The following IL1RAP variants were observed in gnomAD, a reference collection of about 807,000 sequenced individuals.
IL1RAP encodes the protein interleukin-1 receptor accessory protein.
A neutral mutation model predicts 60.7 loss-of-function variants in IL1RAP; 35 were observed. The observed-to-expected ratio is 0.58, with a 90% CI of 0.44 to 0.76. The LOEUF (loss-of-function observed/expected upper bound fraction) is 0.76, where lower values mean the gene tolerates loss of function less well. Among genes scored for constraint, IL1RAP ranks in the 30% least tolerant of loss-of-function variants. The pLI, the probability that IL1RAP is intolerant of heterozygous loss-of-function variation, is 0.00. For synonymous variants in IL1RAP, 268 were observed against 250.9 expected (o/e 1.07, Z -0.64); for missense variants, 572 against 693.9 (o/e 0.82, Z 1.97).
chr3:190,655,889 A>G (rs1286984640), downstream of IL1RAP: 2 of 1,533,976 alleles, frequency 1.3e-6, no homozygotes, highest in South Asian at 1.2e-5. Flanking sequence ...TTTCCTATAG[A>G]TACAGTGGAA....
intron 1 of IL1RAP, among the ~76,000 whole-genome samples, chr3:190,523,015 G>C (rs1052072060): frequency 1.3e-5 from 2 of 152,082 alleles, no homozygotes; most frequent in Non-Finnish European, 2.9e-5. Context: ...TAAGTAATTT[G>C]ATACATATGA....
intron 4 of IL1RAP, among the ~76,000 whole-genome samples, chr3:190,607,610 G>A (rs1387524148): frequency 6.6e-6 from 1 of 152,128 alleles, no homozygotes; most frequent in Non-Finnish European, 1.5e-5. Context: ...TAACAGAGAA[G>A]GCCTGCATGT....
intron 1 of IL1RAP, among the ~76,000 whole-genome samples, chr3:190,549,795 T>C (rs1241355074): frequency 1.3e-5 from 2 of 152,126 alleles, no homozygotes; most frequent in African/African-American, 4.8e-5. Flanking sequence ...TGTTCTGTAG[T>C]ATAGAGACAA....
chr3:190,636,869 A>G (rs984100698), intron 9 of IL1RAP, among the ~76,000 whole-genome samples: 3 of 151,808 alleles, frequency 2.0e-5, no homozygotes, highest in Admixed American at 6.6e-5. Context: ...CTTTATTTTT[A>G]TCTCCTCTAG....
At chr3:190,632,629 G>A (rs1413305567) in intron 9 of IL1RAP, among the ~76,000 whole-genome samples, 1 of 152,148 alleles carries the variant, frequency 6.6e-6, no homozygotes, top group Non-Finnish European at 1.5e-5. Flanking sequence ...TCTATGCTTA[G>A]TGGTTTCTAA....
At chr3:190,559,266 C>CT (rs1725684722) in intron 2 of IL1RAP, among the ~76,000 whole-genome samples, 1 of 152,012 alleles carries the variant, frequency 6.6e-6, no homozygotes, top group Non-Finnish European at 1.5e-5. Flanking sequence ...GTGATAGTAC[C>CT]TTTTTTCCTT....
chr3:190,538,366 T>G (rs1723645257), intron 1 of IL1RAP, among the ~76,000 whole-genome samples: 1 of 152,186 alleles, frequency 6.6e-6, no homozygotes, highest in Non-Finnish European at 1.5e-5. Flanking sequence ...TGAGAAGCAC[T>G]GTCTTAGAGC....
At chr3:190,627,259 GT>G in intron 7 of IL1RAP, 63 bp from the exon 8 acceptor site, 4 of 28,338 alleles carry the variant, frequency 1.4e-4, no homozygotes, top group Non-Finnish European at 1.6e-4. Context: ...TTTGTTTTTT[GT>G]TTTGTTTTGT....
At chr3:190,554,673 A>T (rs1367881407) in intron 1 of IL1RAP, 1 of 151,432 alleles carries the variant, frequency 6.6e-6, no homozygotes, top group African/African-American at 2.4e-5. Flanking sequence ...GATAATTTTC[A>T]TCTCGGATTT....
At chr3:190,594,088 T>G (rs181396285) in intron 3 of IL1RAP, among the ~76,000 whole-genome samples, 1 of 152,292 alleles carries the variant, frequency 6.6e-6, no homozygotes, top group Admixed American at 6.5e-5. Flanking sequence ...TAAGTAGACA[T>G]GTAAAATAAC....
At chr3:190,589,418 C>T (rs1244154942) in intron 3 of IL1RAP, among the ~76,000 whole-genome samples, 1 of 151,504 alleles carries the variant, frequency 6.6e-6, no homozygotes, top group Non-Finnish European at 1.5e-5. Context: ...CTGCTTGTCA[C>T]TACCAGCCAT....
downstream of IL1RAP, chr3:190,656,165 G>A (rs773201140): frequency 2.8e-5 from 43 of 1,537,084 alleles, no homozygotes; most frequent in Middle Eastern, 1.7e-4. Context: ...AAAGCTTTGC[G>A]GTTGGCTCTT....
chr3:190,645,130 A>G (rs1268608758), intron 10 of IL1RAP, among the ~76,000 whole-genome samples: 1 of 152,256 alleles, frequency 6.6e-6, no homozygotes. Flanking sequence ...GCATTTAAAC[A>G]TACAAATTCA....
At chr3:190,589,190 C>T (rs1323131860) in intron 3 of IL1RAP, among the ~76,000 whole-genome samples, 1 of 152,146 alleles carries the variant, frequency 6.6e-6, no homozygotes, top group African/African-American at 2.4e-5. Context: ...TTTATCTTAG[C>T]ATTTACTCTT....
In IL1RAP at chr3:190,649,871, T is replaced by C. The variant is rs973367632; in HGVS notation, c.*1166T>C. ...GTTTTCAGTAATATTTTGCTGTTTTTAAGACTTGGAAAACTAAGTGCAGAG... is the reference window on the plus strand; with the variant it reads ...GTTTTCAGTAATATTTTGCTGTTTTCAAGACTTGGAAAACTAAGTGCAGAG... On this transcript the variant is annotated 3_prime_UTR_variant, in exon 12 of 12. Transcript: ENST00000447382. The C allele has an allele frequency of 2.0e-6, 2 of 985,056 alleles. No individual in the cohort carries two copies. The highest frequency in any genetic ancestry group is 3.5e-5 in the African/African-American group (2 of 57,232). The allele number at this position is 985,056 out of a possible 1,614,324, so 61.0% of individuals were successfully genotyped here.
In IL1RAP at chr3:190,640,524, AG is replaced by A. The variant is rs201385106; in HGVS notation, c.1052-3723del. On this transcript the variant is annotated intron_variant, in intron 9 of 11. Coordinates refer to ENST00000447382, the MANE Select transcript of IL1RAP (RefSeq NM_002182.4). ...AACTCAGGAGAATGGTCATTACCAC[AG>A]TTCCAAAAATTATCCATCAGTCCCA... Among the ~76,000 whole-genome samples, 85 of 152,336 alleles carry A rather than the reference AG, an allele frequency of 5.6e-4. No homozygotes were observed. The East Asian group carries it at 0.015, about 28-fold the overall frequency.
At chr3:190,523,612 T>C (rs1283212379) in intron 1 of IL1RAP, among the ~76,000 whole-genome samples, 1 of 152,156 alleles carries the variant, frequency 6.6e-6, no homozygotes, top group East Asian at 1.9e-4. Context: ...AGTGAGAACA[T>C]GCAGGATTAG....
intron 1 of IL1RAP, among the ~76,000 whole-genome samples, chr3:190,515,233 C>CTTTTTTT (rs34578850): frequency 6.9e-6 from 1 of 144,782 alleles, no homozygotes; most frequent in African/African-American, 2.5e-5. Flanking sequence ...TTCTTTCTTC[C>CTTTTTTT]TTTTTTTTTT....
chr3:190,585,681 G>A (rs2108690669), intron 3 of IL1RAP, among the ~76,000 whole-genome samples: 1 of 152,132 alleles, frequency 6.6e-6, no homozygotes, highest in Non-Finnish European at 1.5e-5. Context: ...GCATGGTGGT[G>A]TGTGCCTGCA....
Sources: allele counts gnomAD v4.1 joint callset (sites outside exome capture counted in the v4.1 genomes callset), GRCh38; gene constraint gnomAD v4.1.1; transcripts MANE v1.5; gene names NCBI Gene and HGNC (gene_info 2026-07-23, HGNC 2026-07-21).